The following SGCD variants were observed in gnomAD, a reference collection of about 807,000 sequenced individuals.
The protein encoded by SGCD is delta-sarcoglycan.
In SGCD, 18 loss-of-function variants were observed where a neutral mutation model predicts 36.6. The ratio of observed to expected loss-of-function variants is 0.49; its 90% CI spans 0.34 to 0.73. The LOEUF (loss-of-function observed/expected upper bound fraction) is 0.73. SGCD is among the 30% of genes least tolerant of loss of function. SGCD has a pLI of 0.01. For synonymous variants in SGCD, 133 were observed against 130.6 expected, an observed-to-expected ratio of 1.02 and a Z score of -0.12; for missense variants, 387 against 346.7, an observed-to-expected ratio of 1.12 and a Z score of -0.92.
At chr5:156,552,357 T>C (rs1758834649) in intron 4 of SGCD, among the ~76,000 whole-genome samples, 1 of 152,170 alleles carries the variant, frequency 6.6e-6, no homozygotes, top group African/African-American at 2.4e-5. Context: ...AGTGAGAAAG[T>C]GAGCAGTTAC....
At position 156,487,813 on chromosome 5, in the gene SGCD, A is replaced by AAAAAAAAAAAAAAAAGAAAAAG. The variant is rs1554107842; in HGVS notation, c.193-20785_193-20784insAAAAAAAAAAAAGAAAAAGAAA. Among the ~76,000 whole-genome samples the AAAAAAAAAAAAAAAAGAAAAAG allele has an allele frequency of 1.6e-3, 127 of 77,796 alleles. 17 individuals carry two copies. Among genetic ancestry groups the AAAAAAAAAAAAAAAAGAAAAAG allele is most frequent in the South Asian group, 4.3e-3 (8 of 1,842 alleles). The allele number at this position is 77,796 out of a possible 152,430, so 51.0% of individuals were successfully genotyped here. A position where few individuals can be genotyped will look rare whatever the true frequency, so the allele number is the denominator to read the frequency against. ...CAAAAAAAAAAAAAAAAAAAAAAAA[A>AAAAAAAAAAAAAAAAGAAAAAG]AAAGAAAGAAAGAAAAAGCTTAACA... On this transcript the variant is annotated intron_variant, in intron 3 of 8. Transcript: ENST00000337851.
chr5:156,149,415 C>T (rs1211554500), intron 3 of SGCD, among the ~76,000 whole-genome samples: 2 of 152,132 alleles, frequency 1.3e-5, no homozygotes, highest in Admixed American at 1.3e-4. Flanking sequence ...CAGACTGAAT[C>T]ATGTTTTGGA....
At chr5:156,432,033 C>T (rs368898639) in intron 3 of SGCD, among the ~76,000 whole-genome samples, 2 of 152,146 alleles carry the variant, frequency 1.3e-5, no homozygotes, top group East Asian at 3.9e-4. Flanking sequence ...AATGATTGTT[C>T]TGCTTTTCTG....
At chr5:155,828,982 C>CTATTAT in the SGCD span, among the ~76,000 whole-genome samples, 1 of 151,732 alleles carries the variant, frequency 6.6e-6, no homozygotes, top group Non-Finnish European at 1.5e-5. Flanking sequence ...ATCACTTCTA[C>CTATTAT]TATTATTATT....
chr5:156,375,067 C>T (rs1770586521), intron 3 of SGCD, among the ~76,000 whole-genome samples: 1 of 152,014 alleles, frequency 6.6e-6, no homozygotes, highest in Admixed American at 6.6e-5. Flanking sequence ...TTTGAAGATC[C>T]TTTTCCAAGA....
intron 1 of SGCD, among the ~76,000 whole-genome samples, chr5:156,018,436 A>G (rs923431018): frequency 6.6e-6 from 1 of 152,242 alleles, no homozygotes; most frequent in Admixed American, 6.5e-5. Flanking sequence ...ATTAACAAAC[A>G]TACACAAATA....
intron 3 of SGCD, among the ~76,000 whole-genome samples, chr5:156,153,361 T>C (rs931405235): frequency 6.6e-6 from 1 of 151,540 alleles, no homozygotes; most frequent in Non-Finnish European, 1.5e-5. Context: ...TTTTAAATAA[T>C]GCTTTAAAAA....
chr5:156,069,619 T>A (rs1490869016), intron 1 of SGCD, among the ~76,000 whole-genome samples: 1 of 152,072 alleles, frequency 6.6e-6, no homozygotes, highest in Non-Finnish European at 1.5e-5. Flanking sequence ...TCTTTTTTGG[T>A]TCCATATGAA....
intron 1 of SGCD, among the ~76,000 whole-genome samples, chr5:155,961,482 G>T (rs181486889): frequency 2.6e-5 from 4 of 152,184 alleles, no homozygotes; most frequent in Admixed American, 2.6e-4. Flanking sequence ...GTAACCAGTT[G>T]CTCCCTTTGG....
chr5:155,965,897 C>T lies in SGCD; in HGVS notation c.-282+95473C>T, dbSNP rs189524689. On this transcript the variant is annotated intron_variant, in intron 1 of 9. Transcript: ENST00000517913. ...TGCGTTCGTCCCCCTTTGTTCAGTCCAACAGGGATTGGGGCTGCATCACTA... is the reference window on the plus strand; with the variant it reads ...TGCGTTCGTCCCCCTTTGTTCAGTCTAACAGGGATTGGGGCTGCATCACTA... Among the ~76,000 whole-genome samples, 182 of 152,072 alleles carry T rather than the reference C, an allele frequency of 1.2e-3. 1 individual carries two copies. The highest frequency in any genetic ancestry group is 4.1e-3 in the African/African-American group (170 of 41,508).
At chr5:156,605,598 A>C (rs974674131) in intron 6 of SGCD, among the ~76,000 whole-genome samples, 1 of 152,056 alleles carries the variant, frequency 6.6e-6, no homozygotes, top group Non-Finnish European at 1.5e-5. Flanking sequence ...GATATTTCTA[A>C]TTCTAGATCC....
chr5:156,536,493 C>T (rs537706659), intron 4 of SGCD, among the ~76,000 whole-genome samples: 27 of 152,224 alleles, frequency 1.8e-4, no homozygotes, highest in East Asian at 3.9e-4. Flanking sequence ...AATAAATGTA[C>T]GATTAATGTA....
intron 3 of SGCD, among the ~76,000 whole-genome samples, chr5:156,171,210 C>T (rs1329325701): frequency 6.6e-6 from 1 of 152,204 alleles, no homozygotes; most frequent in Non-Finnish European, 1.5e-5. Context: ...CAGAGCATTG[C>T]GTTGGCGCCA....
At chr5:156,395,396 C>A (rs1036590928) in intron 3 of SGCD, among the ~76,000 whole-genome samples, 8 of 152,136 alleles carry the variant, frequency 5.3e-5, no homozygotes, top group African/African-American at 9.7e-5. Context: ...GACGTCCTGG[C>A]CATTTTAGGC....
chr5:156,259,333 A>G (rs1470549611), intron 3 of SGCD, among the ~76,000 whole-genome samples: 3 of 151,874 alleles, frequency 2.0e-5, no homozygotes, highest in Admixed American at 6.6e-5. Context: ...ATTATTTTGT[A>G]GAGTTTTATG....
chr5:155,745,396 A>G, the SGCD span, among the ~76,000 whole-genome samples: 1 of 152,156 alleles, frequency 6.6e-6, no homozygotes, highest in South Asian at 2.1e-4. Context: ...GCAGAATCCT[A>G]ATCTCCTAAG....
chr5:156,159,874 A>G (rs1405278722), intron 3 of SGCD, among the ~76,000 whole-genome samples: 1 of 151,622 alleles, frequency 6.6e-6, no homozygotes, highest in Non-Finnish European at 1.5e-5. Context: ...ACCTTCTTTA[A>G]CAAATCTTGT....
intron 7 of SGCD, among the ~76,000 whole-genome samples, chr5:156,742,976 G>A (rs532147138): frequency 2.2e-4 from 34 of 152,244 alleles, no homozygotes; most frequent in East Asian, 1.4e-3. Context: ...TTGACCAAAT[G>A]TATGGGTACC....
chr5:156,201,832 T>C (rs1035069435), intron 3 of SGCD, among the ~76,000 whole-genome samples: 1 of 152,058 alleles, frequency 6.6e-6, no homozygotes, highest in African/African-American at 2.4e-5. Context: ...GTTTTTGATC[T>C]TGTCAGGACT....
Sources: gnomAD v4.1 joint callset for allele counts (sites outside exome capture counted in the v4.1 genomes callset) on GRCh38, gnomAD v4.1.1 for gene constraint, MANE v1.5 for transcripts, NCBI Gene and HGNC (gene_info 2026-07-23, HGNC 2026-07-21) for gene names.